Variants in UGT1A7 observed in about 807,000 individuals in gnomAD.
UGT1A7 encodes UDP glucuronosyltransferase family 1 member A7, also known as UDP-glucuronosyltransferase 1A7.
A neutral mutation model predicts 45.6 loss-of-function variants in UGT1A7; 33 were observed. The ratio of observed to expected loss-of-function variants is 0.72; its 90% CI spans 0.55 to 0.97. UGT1A7 has a LOEUF of 0.97. Ranked by LOEUF, UGT1A7 falls within the 50% of genes least tolerant of loss-of-function variation. UGT1A7 has a pLI of 0.00. For missense variants in UGT1A7, 684 were observed against 666.2 expected, an observed-to-expected ratio of 1.03 and a Z score of -0.29; for synonymous variants, 274 against 250.6, an observed-to-expected ratio of 1.09 and a Z score of -0.88.
intron 1 of UGT1A7, chr2:233,691,428 T>A: frequency 4.1e-6 from 4 of 985,592 alleles, no homozygotes; most frequent in Non-Finnish European, 4.8e-6. Context: ...CTAATCATGT[T>A]GCTCAGGCTT....
At chr2:233,724,286 G>C (rs1416950047) in intron 1 of UGT1A7, among the ~76,000 whole-genome samples, 3 of 143,448 alleles carry the variant, frequency 2.1e-5, no homozygotes, top group African/African-American at 2.6e-5. Flanking sequence ...CCGGGCGGGG[G>C]GCTGACCCCC....
chr2:233,747,689 A>G lies in UGT1A7; in HGVS notation c.856-19345A>G, dbSNP rs552388790. The stretch of plus-strand genomic sequence containing the variant: ...TAGACCCAATTTACCTCTGTGGGGC[A>G]GTGCTGGCTAAGTACCTATCAATTC... On this transcript the variant is annotated intron_variant, in intron 1 of 4. Transcript: ENST00000373426. 1.1e-5 allele frequency: 18 copies of G among 1,609,782 alleles called. No homozygotes were observed. In the Middle Eastern group the frequency reaches 5.0e-4, roughly 44 times the overall value.
intron 1 of UGT1A7, among the ~76,000 whole-genome samples, chr2:233,720,871 AT>A (rs60621337): frequency 0.024 from 3,169 of 132,736 alleles, 42 homozygotes; most frequent in Middle Eastern, 0.043. Context: ...GCTCCTGGCA[AT>A]TTTTTTTTTT....
intron 1 of UGT1A7, among the ~76,000 whole-genome samples, chr2:233,761,928 C>A (rs183537343): frequency 6.6e-6 from 1 of 152,346 alleles, no homozygotes; most frequent in Non-Finnish European, 1.5e-5. Flanking sequence ...AGCCCAGGCA[C>A]TTCCCAGGTG....
chr2:233,751,718 G>C (rs144416943), intron 1 of UGT1A7, among the ~76,000 whole-genome samples: 1 of 152,136 alleles, frequency 6.6e-6, no homozygotes, highest in Non-Finnish European at 1.5e-5. Flanking sequence ...TCACTCACAA[G>C]TGAACTCTTC....
intron 1 of UGT1A7, among the ~76,000 whole-genome samples, chr2:233,738,509 G>A (rs533932753): frequency 1.3e-5 from 2 of 152,322 alleles, no homozygotes; most frequent in African/African-American, 4.8e-5. Context: ...CCAAAATGCT[G>A]ATAATGTTGT....
chr2:233,756,139 A>C lies in UGT1A7; in HGVS notation c.856-10895A>C, dbSNP rs548564023. ...CTTTGTAAAATTCTCCTGAAAAATT[A>C]CTGGGGATCCCTAGGATTTCCTGGC... On this transcript the variant is annotated intron_variant, in intron 1 of 4. Coordinates refer to ENST00000373426, the MANE Select transcript of UGT1A7 (RefSeq NM_019077.3). 16 of 152,358 alleles carry C rather than the reference A, an allele frequency of 1.1e-4. No individual in the cohort carries two copies. In the East Asian group the frequency reaches 1.4e-3, roughly 13 times the overall value. 9.4% of individuals were successfully genotyped at this position (152,358 alleles called of 1,614,324 possible). A position where few individuals can be genotyped will look rare whatever the true frequency, so the allele number is the denominator to read the frequency against.
chr2:233,766,377 AATGT>A (rs1451884562), intron 1 of UGT1A7, among the ~76,000 whole-genome samples: 1 of 151,914 alleles, frequency 6.6e-6, no homozygotes, highest in Non-Finnish European at 1.5e-5. Context: ...AGTTCTTCTC[AATGT>A]CCAGCTGTCC....
chr2:233,683,795 T>G (rs2074650778), intron 1 of UGT1A7, among the ~76,000 whole-genome samples: 1 of 152,188 alleles, frequency 6.6e-6, no homozygotes, highest in Non-Finnish European at 1.5e-5. Context: ...ACATTTATCT[T>G]GTATGTAGTC....
In UGT1A7 at chr2:233,768,537, T is replaced by C; in HGVS notation, c.1295+98T>C. ...TTACGTAGCATTTAATAGCGTTGTT[T>C]CAAATATAAAAACAAATACATAAAA... On this transcript the variant is annotated intron_variant, in intron 4 of 4. Transcript: ENST00000373426. 2.0e-6 allele frequency: 3 copies of C among 1,499,906 alleles called. No individual in the cohort carries two copies. The South Asian group carries it at 4.0e-5, about 20-fold the overall frequency. The allele number at this position is 1,499,906 out of a possible 1,614,324, so 92.9% of individuals were successfully genotyped here.
intron 1 of UGT1A7, among the ~76,000 whole-genome samples, chr2:233,725,596 A>G (rs1198733285): frequency 6.6e-6 from 1 of 152,166 alleles, no homozygotes; most frequent in East Asian, 1.9e-4. Context: ...ACTATTTGAC[A>G]TAGTTTTTTC....
intron 1 of UGT1A7, among the ~76,000 whole-genome samples, chr2:233,757,643 G>T (rs955610345): frequency 6.7e-6 from 1 of 150,102 alleles, no homozygotes; most frequent in Admixed American, 6.6e-5. Context: ...AGAACAAAAT[G>T]CTGTTTTTCT....
intron 1 of UGT1A7, chr2:233,753,360 G>C (rs1270331798): frequency 6.6e-6 from 1 of 152,184 alleles, no homozygotes; most frequent in Non-Finnish European, 1.5e-5. Flanking sequence ...TATTACTTGG[G>C]TGCCATTCCA....
chr2:233,718,172 C>T lies in UGT1A7; in HGVS notation c.855+35380C>T, dbSNP rs559286089. 3.8e-5 allele frequency: 9 copies of T among 238,986 alleles called. No individual in the cohort carries two copies. In the East Asian group the frequency reaches 7.1e-4, roughly 19 times the overall value. 14.8% of individuals were successfully genotyped at this position (238,986 alleles called of 1,614,324 possible). Reference sequence around the variant, plus strand: ...AGCCTTCCCAAGAATATGATCATCACATCTTGAGCTCAGCCTCCCCGGAGC... The same window carrying T: ...AGCCTTCCCAAGAATATGATCATCATATCTTGAGCTCAGCCTCCCCGGAGC... On this transcript the variant is annotated intron_variant, in intron 1 of 4. Transcript: ENST00000373426.
intron 4 of UGT1A7, 67 bp from the exon 5 acceptor site, chr2:233,772,195 G>A (rs1700480706): frequency 1.9e-6 from 3 of 1,602,230 alleles, no homozygotes; most frequent in Non-Finnish European, 2.6e-6. Flanking sequence ...AAGCAGCCAT[G>A]AGCATAAAGA....
At position 233,767,074 on chromosome 2, in the gene UGT1A7, T is replaced by C. The variant is rs747099261; in HGVS notation, c.896T>C (p.Ile299Thr). Residue 299 changes from isoleucine to threonine, a missense_variant, in exon 2 of 5, where the codon ATT becomes ACT. Transcript: ENST00000373426. The part of the protein sequence containing the change: ...AYINASGEHG[I>T]VVFSLGSMVS... ...ATTAATGCTTCTGGAGAACATGGAA[T>C]TGTGGTTTTCTCTTTGGGATCAATG... is the stretch of plus-strand genomic sequence containing the variant. 2.5e-6 allele frequency: 4 copies of C among 1,614,130 alleles called. No individual in the cohort carries two copies. The highest frequency in any genetic ancestry group is 1.1e-5 in the South Asian group (1 of 91,076).
intron 1 of UGT1A7, among the ~76,000 whole-genome samples, chr2:233,684,010 T>C (rs1275179679): frequency 6.6e-6 from 1 of 152,204 alleles, no homozygotes; most frequent in Admixed American, 6.5e-5. Flanking sequence ...AAGAGTAAGA[T>C]TCTTGGCAAA....
At position 233,711,373 on chromosome 2, in the gene UGT1A7, G is replaced by A. The variant is rs28898592; in HGVS notation, c.855+28581G>A. On this transcript the variant is annotated intron_variant, in intron 1 of 4. Transcript: ENST00000373426. ...GGGGAGCCCCCTGAATGTGGTGAGA[G>A]CACCCTCCCAGGTGTGTTCCACCCT... is the stretch of plus-strand genomic sequence containing the variant. Among the ~76,000 whole-genome samples the A allele has an allele frequency of 3.7e-3, 562 of 152,368 alleles. 5 individuals are homozygous for A. Among genetic ancestry groups the A allele is most frequent in the African/African-American group, 0.013 (535 of 41,588 alleles).
Position 233,682,786 on chromosome 2 carries a change from G to A in UGT1A7, c.849G>A (p.Val283=). 6.2e-7 allele frequency: 1 copy of A among 1,612,112 alleles called. No individual in the cohort carries two copies. Among genetic ancestry groups the A allele is most frequent in the Non-Finnish European group, 8.5e-7 (1 of 1,178,444 alleles). The part of the protein sequence containing the change: ...GGINCHQGKP[V]PMEFEAYINA... ...TCAACTGTCATCAGGGAAAGCCAGTGCCTATGGTAAGTTATCTCCCCTTTA... is the reference window on the plus strand; with the variant it reads ...TCAACTGTCATCAGGGAAAGCCAGTACCTATGGTAAGTTATCTCCCCTTTA... The change falls in exon 1 of 5, where the codon GTG becomes GTA. Residue 283 remains valine (V), a synonymous_variant. Coordinates refer to ENST00000373426, the MANE Select transcript of UGT1A7 (RefSeq NM_019077.3).
Sources: gnomAD v4.1 joint callset for allele counts (sites outside exome capture counted in the v4.1 genomes callset) on GRCh38, gnomAD v4.1.1 for gene constraint, MANE v1.5 for transcripts, NCBI Gene and HGNC (gene_info 2026-07-23, HGNC 2026-07-21) for gene names.